SLC26A4: variants seen among roughly 807,000 people sequenced by gnomAD.
SLC26A4 encodes solute carrier family 26 member 4.
A neutral mutation model predicts 90.4 loss-of-function variants in SLC26A4; 93 were observed. That is an observed-to-expected ratio of 1.03 (90% CI 0.87 to 1.22). The LOEUF is 1.22. SLC26A4 is among the 50% of genes most tolerant of loss of function. The probability of loss-of-function intolerance (pLI) is 0.00; values close to 1 mark genes in which losing one functional copy is unlikely to be tolerated. For missense variants in SLC26A4, 1,127 were observed against 946.2 expected, an observed-to-expected ratio of 1.19 and a Z score of -2.51; for synonymous variants, 393 against 354.6, an observed-to-expected ratio of 1.11 and a Z score of -1.22.
At chr7:107,675,368 G>T (rs1284218826) in intron 6 of SLC26A4, among the ~76,000 whole-genome samples, 3 of 150,822 alleles carry the variant, frequency 2.0e-5, no homozygotes, top group Admixed American at 6.6e-5. Context: ...TTTGCTGGGT[G>T]TGGTGGTGCA....
At chr7:107,687,533 T>C (rs1436100754) in intron 8 of SLC26A4, among the ~76,000 whole-genome samples, 1 of 152,176 alleles carries the variant, frequency 6.6e-6, no homozygotes, top group Non-Finnish European at 1.5e-5. Context: ...TAGTCCCCAT[T>C]TGACAGCTGA....
chr7:107,708,940 T>G (rs1584343580), intron 18 of SLC26A4, among the ~76,000 whole-genome samples: 1 of 152,148 alleles, frequency 6.6e-6, no homozygotes, highest in East Asian at 1.9e-4. Context: ...TCTTTATGAA[T>G]GTATGTGTGT....
chr7:107,668,532 G>A (rs533216784), intron 3 of SLC26A4, among the ~76,000 whole-genome samples: 25 of 152,276 alleles, frequency 1.6e-4, no homozygotes, highest in African/African-American at 5.5e-4. Context: ...GAACAACTCC[G>A]AGAAGACCAG....
intron 3 of SLC26A4, among the ~76,000 whole-genome samples, chr7:107,670,758 G>C (rs1332313934): frequency 6.6e-6 from 1 of 152,146 alleles, no homozygotes; most frequent in Non-Finnish European, 1.5e-5. Flanking sequence ...GAAAAGGCTT[G>C]ATTTTCTCTC....
At chr7:107,694,598 G>A (rs931893466) in intron 11 of SLC26A4, 23 bp from the exon 12 acceptor site, 4 of 1,586,314 alleles carry the variant, frequency 2.5e-6, no homozygotes, top group Non-Finnish European at 2.6e-6. Context: ...GAATAACACA[G>A]CCTTCTCTGT....
At chr7:107,683,919 T>G (rs1272674392) in intron 8 of SLC26A4, among the ~76,000 whole-genome samples, 1 of 152,182 alleles carries the variant, frequency 6.6e-6, no homozygotes, top group East Asian at 1.9e-4. Flanking sequence ...GCCTAAATTC[T>G]CTATCATTTA....
At chr7:107,680,132 A>G (rs185333820) in intron 6 of SLC26A4, among the ~76,000 whole-genome samples, 3,661 of 119,086 alleles carry the variant, frequency 0.031, 53 homozygotes, top group Middle Eastern at 0.048. Flanking sequence ...TTATCTTATT[A>G]TATAATATAA....
intron 13 of SLC26A4, among the ~76,000 whole-genome samples, chr7:107,697,726 T>A (rs1791777846): frequency 6.6e-6 from 1 of 152,228 alleles, no homozygotes; most frequent in Non-Finnish European, 1.5e-5. Flanking sequence ...CCTTTCAGGG[T>A]TATGGCAGGG....
Position 107,683,270 on chromosome 7 carries a change from C to T in SLC26A4, c.834C>T (p.Thr278=). Residue 278 remains threonine (T), a synonymous_variant, in exon 7 of 21, where the codon ACC becomes ACT. Transcript: ENST00000644269. ...NLADFTAGLL[T]IVVCMAVKEL... is the part of the protein sequence containing the mutation. ...CTGATTTCACTGCTGGATTGCTCAC[C>T]ATTGTCGTCTGTATGGCAGTTAAGG... 2 of 1,613,122 alleles carry T rather than the reference C, an allele frequency of 1.2e-6. No homozygotes were observed. The highest frequency in any genetic ancestry group is 8.5e-7 in the Non-Finnish European group (1 of 1,179,548).
Position 107,715,412 on chromosome 7 carries a change from T to C in SLC26A4, c.2320-11T>C, listed in dbSNP as rs1187209445. 1 of 1,612,274 alleles carries C rather than the reference T, an allele frequency of 6.2e-7. No homozygotes were observed. The highest frequency in any genetic ancestry group is 8.5e-7 in the Non-Finnish European group (1 of 1,178,296). The stretch of plus-strand genomic sequence containing the variant: ...TTGTATCAACACTTTGTTTTCCCCT[T>C]GCTTCCACAGGCTATGCGTACACTT... On this transcript the variant is annotated splice_polypyrimidine_tract_variant and intron_variant, in intron 20 of 20. Transcript: ENST00000644269.
chr7:107,693,677 G>A, intron 10 of SLC26A4: 9 of 991,788 alleles, frequency 9.1e-6, no homozygotes, highest in Non-Finnish European at 1.1e-5. Flanking sequence ...GATCTTAGGA[G>A]AGCTATTTTT....
intron 4 of SLC26A4, 83 bp from the exon 5 acceptor site, chr7:107,674,081 T>C: frequency 7.4e-7 from 1 of 1,354,532 alleles, no homozygotes; most frequent in Non-Finnish European, 1.1e-6. Flanking sequence ...CTAAATCTTT[T>C]ATACATTTTT....
rs368711059 is a variant in SLC26A4 at position 107,694,505 on chromosome 7, C to G, written c.1341+25C>G. ...GGTATAACCCTGCTTCTCTGCATAC[C>G]GATTGCATAATTTCCCTTCACTACT... is the stretch of plus-strand genomic sequence containing the variant. On this transcript the variant is annotated intron_variant, in intron 11 of 20. Coordinates refer to ENST00000644269, the MANE Select transcript of SLC26A4 (RefSeq NM_000441.2). 12 of 1,582,722 alleles carry G rather than the reference C, an allele frequency of 7.6e-6. No individual in the cohort carries two copies. The South Asian group carries it at 1.3e-4, about 17-fold the overall frequency.
chr7:107,681,589 T>A (rs933198483), intron 6 of SLC26A4, among the ~76,000 whole-genome samples: 5 of 152,182 alleles, frequency 3.3e-5, no homozygotes, highest in African/African-American at 1.2e-4. Context: ...ACCTTCACTG[T>A]GAGATTGTCT....
At position 107,672,218 on chromosome 7, in the gene SLC26A4, A is replaced by G. The variant is rs762759659; in HGVS notation, c.385A>G (p.Ile129Val). 4 of 1,607,624 alleles carry G rather than the reference A, an allele frequency of 2.5e-6. No homozygotes were observed. The highest frequency in any genetic ancestry group is 1.1e-5 in the South Asian group (1 of 90,946). The change falls in exon 4 of 21, where the codon ATC (isoleucine) becomes GTC (valine). Residue 129 changes from isoleucine (I) to valine (V), a missense_variant. By Grantham distance (29) the Ile-to-Val change is conservative. Transcript: ENST00000644269. ...SAFFPILTYF[I>V]FGTSRHISVG... ...TTTTTTCCCTATCCTGACATACTTT[A>G]TCTTTGGAACATCAAGACATATCTC...
At chr7:107,694,778 A>T in intron 12 of SLC26A4, 62 bp downstream of exon 12, 1 of 1,059,634 alleles carries the variant, frequency 9.4e-7, no homozygotes, top group Non-Finnish European at 1.5e-6. Flanking sequence ...GCTTCCTGCC[A>T]TATCACTATA....
chr7:107,708,870 G>C lies in SLC26A4; in HGVS notation c.2090-1184G>C, dbSNP rs191000685. ...ATGTTGTTATGAGGAGAGCAAAGCT[G>C]GAGATTACTTAGATTCCTTAGAACA... On this transcript the variant is annotated intron_variant, in intron 18 of 20. Coordinates refer to ENST00000644269, the MANE Select transcript of SLC26A4 (RefSeq NM_000441.2). Among the ~76,000 whole-genome samples, 458 of 152,230 alleles carry C rather than the reference G, an allele frequency of 3.0e-3. 3 individuals carry two copies. The highest frequency in any genetic ancestry group is 4.8e-3 in the Non-Finnish European group (326 of 68,018).
intron 3 of SLC26A4, among the ~76,000 whole-genome samples, chr7:107,665,974 A>G (rs1294228260): frequency 6.6e-6 from 1 of 152,188 alleles, no homozygotes; most frequent in Non-Finnish European, 1.5e-5. Context: ...TCAGTTACAC[A>G]TCCATTTATC....
chr7:107,672,335 G>A lies in SLC26A4; in HGVS notation c.415+87G>A, dbSNP rs185285490. ...AGTGCATTATACCTCTATTAGGTTGGTGCAAAAGTAATTGCGGTTTTCACA... is the reference window on the plus strand; with the variant it reads ...AGTGCATTATACCTCTATTAGGTTGATGCAAAAGTAATTGCGGTTTTCACA... On this transcript the variant is annotated intron_variant, in intron 4 of 20. Coordinates refer to ENST00000644269, the MANE Select transcript of SLC26A4 (RefSeq NM_000441.2). 6.0e-4 allele frequency: 350 copies of A among 579,442 alleles called. 2 individuals carry two copies. Among genetic ancestry groups the A allele is most frequent in the Non-Finnish European group, 8.6e-5 (29 of 335,804 alleles). 35.9% of individuals were successfully genotyped at this position (579,442 alleles called of 1,614,324 possible).
Sources: allele counts gnomAD v4.1 joint callset (sites outside exome capture counted in the v4.1 genomes callset), GRCh38; gene constraint gnomAD v4.1.1; transcripts MANE v1.5; gene names NCBI Gene and HGNC (gene_info 2026-07-23, HGNC 2026-07-21).